ARHGAP22: variants seen among roughly 807,000 people sequenced by gnomAD.
ARHGAP22 encodes the protein rho GTPase-activating protein 22.
A neutral mutation model predicts 59.1 loss-of-function variants in ARHGAP22; 48 were observed. The observed-to-expected ratio is 0.81, with a 90% CI of 0.64 to 1.03. The LOEUF (loss-of-function observed/expected upper bound fraction) is 1.03. Among genes scored for constraint, ARHGAP22 ranks in the 50% least tolerant of loss-of-function variants. The pLI, the probability that ARHGAP22 is intolerant of heterozygous loss-of-function variation, is 0.00. For synonymous variants in ARHGAP22, 445 were observed against 416.4 expected, an observed-to-expected ratio of 1.07 and a Z score of -0.84; for missense variants, 1,015 against 958.7, an observed-to-expected ratio of 1.06 and a Z score of -0.78.
upstream of ARHGAP22, among the ~76,000 whole-genome samples, chr10:48,655,043 T>TCC: frequency 1.5e-5 from 1 of 65,484 alleles, no homozygotes; most frequent in Non-Finnish European, 3.1e-5. Flanking sequence ...TCTTTCTTTC[T>TCC]TTCTTTCTTT....
intron 2 of ARHGAP22, among the ~76,000 whole-genome samples, chr10:48,581,177 G>C (rs1588945365): frequency 6.6e-6 from 1 of 152,288 alleles, no homozygotes; most frequent in South Asian, 2.1e-4. Flanking sequence ...CAACCCATCA[G>C]AACTCACTTT....
intron 4 of ARHGAP22, among the ~76,000 whole-genome samples, chr10:48,465,536 T>C (rs1589534992): frequency 6.6e-6 from 1 of 152,232 alleles, no homozygotes; most frequent in East Asian, 1.9e-4. Context: ...AATGCGGCTT[T>C]CTCCGGACCT....
intron 1 of ARHGAP22, among the ~76,000 whole-genome samples, chr10:48,590,409 C>G (rs550667226): frequency 6.6e-6 from 1 of 152,054 alleles, no homozygotes; most frequent in Non-Finnish European, 1.5e-5. Flanking sequence ...GATGGCAAGA[C>G]ACTGTCCTCG....
chr10:48,573,615 C>G (rs757618707), intron 2 of ARHGAP22, among the ~76,000 whole-genome samples: 3 of 152,214 alleles, frequency 2.0e-5, no homozygotes, highest in Admixed American at 6.5e-5. Context: ...ATATTAGATG[C>G]CTTCGCATGC....
Position 48,448,663 on chromosome 10 carries a change from C to T in ARHGAP22, c.1868+1598G>A, listed in dbSNP as rs573709474. On this transcript the variant is annotated intron_variant, in intron 9 of 9. Coordinates refer to ENST00000249601, the MANE Select transcript of ARHGAP22 (RefSeq NM_021226.4). ...ACACATTCCCCAATCACCTGCTGGA[C>T]AGGACAGGTGCTAATGCCCTCACCT... is the stretch of plus-strand genomic sequence containing the variant. Among the ~76,000 whole-genome samples the T allele has an allele frequency of 4.3e-3, 644 of 149,174 alleles. 3 individuals are homozygous for T. Among genetic ancestry groups the T allele is most frequent in the African/African-American group, 0.013 (545 of 40,386 alleles).
At chr10:48,454,469 C>T (rs1474058514) in intron 6 of ARHGAP22, among the ~76,000 whole-genome samples, 2 of 152,184 alleles carry the variant, frequency 1.3e-5, no homozygotes, top group African/African-American at 4.8e-5. Context: ...GATAGTGAGC[C>T]CTCATCTCCC....
At chr10:48,567,122 C>T (rs2058092786) in intron 2 of ARHGAP22, among the ~76,000 whole-genome samples, 1 of 152,188 alleles carries the variant, frequency 6.6e-6, no homozygotes, top group African/African-American at 2.4e-5. Flanking sequence ...GGACCTTGCA[C>T]TAGACTCCGT....
intron 1 of ARHGAP22, among the ~76,000 whole-genome samples, chr10:48,612,949 A>G (rs1242836837): frequency 6.6e-6 from 1 of 152,340 alleles, no homozygotes; most frequent in East Asian, 1.9e-4. Context: ...GTCGTCCTTC[A>G]AAACCCTGGA....
chr10:48,513,262 A>C (rs1294808512), intron 3 of ARHGAP22, among the ~76,000 whole-genome samples: 3 of 152,198 alleles, frequency 2.0e-5, no homozygotes. Context: ...GGGGAAGGAG[A>C]TATCCACTGG....
chr10:48,479,791 C>T (rs184589828), intron 3 of ARHGAP22, 27 bp from the exon 4 acceptor site: 144 of 1,545,610 alleles, frequency 9.3e-5, no homozygotes, highest in Middle Eastern at 1.7e-4. Context: ...CACAGGCTTA[C>T]GCAGGGTCCC....
chr10:48,464,388 C>T (rs2047445919), intron 4 of ARHGAP22, among the ~76,000 whole-genome samples: 1 of 152,314 alleles, frequency 6.6e-6, no homozygotes, highest in East Asian at 1.9e-4. Flanking sequence ...AACACTTTCC[C>T]AAAACAGGGA....
At chr10:48,617,415 G>T (rs1462575935) in intron 1 of ARHGAP22, among the ~76,000 whole-genome samples, 1 of 151,908 alleles carries the variant, frequency 6.6e-6, no homozygotes, top group African/African-American at 2.4e-5. Context: ...CTTTTCATCA[G>T]CACGTGGAAT....
At chr10:48,462,165 CAT>C (rs2047197206) in intron 4 of ARHGAP22, among the ~76,000 whole-genome samples, 1 of 145,918 alleles carries the variant, frequency 6.9e-6, no homozygotes, top group East Asian at 2.1e-4. Context: ...TGTGTGTGCA[CAT>C]GTGCTGGATG....
At chr10:48,611,483 G>A (rs1392769068) in intron 1 of ARHGAP22, among the ~76,000 whole-genome samples, 3 of 151,940 alleles carry the variant, frequency 2.0e-5, no homozygotes, top group Admixed American at 6.6e-5. Flanking sequence ...TTCCCCAACC[G>A]TACCAACAAG....
At chr10:48,539,538 G>A (rs529205943) in intron 3 of ARHGAP22, among the ~76,000 whole-genome samples, 17 of 151,744 alleles carry the variant, frequency 1.1e-4, no homozygotes, top group Non-Finnish European at 1.6e-4. Context: ...TGATCCGCCC[G>A]CCTCGGCCTC....
rs978959804 is a variant in ARHGAP22, at chr10:48,604,891, G to T, written c.-95C>A. On this transcript the variant is annotated 5_prime_UTR_variant, in exon 1 of 10. Transcript: ENST00000249601. ...CGCGCCTAGTCGCCCCTCATGTCCT[G>T]CTCGTTCGGGGCCCCGTGGCCGCTG... 40 of 1,596,564 alleles carry T rather than the reference G, an allele frequency of 2.5e-5. 1 individual carries two copies. The highest frequency in any genetic ancestry group is 3.3e-5 in the Non-Finnish European group (39 of 1,173,254).
intron 3 of ARHGAP22, among the ~76,000 whole-genome samples, chr10:48,496,900 G>A (rs956264068): frequency 5.3e-5 from 8 of 152,106 alleles, no homozygotes; most frequent in East Asian, 1.9e-4. Flanking sequence ...CCACTGGGCC[G>A]TGAGCTACTC....
chr10:48,571,401 G>A (rs919266576), intron 2 of ARHGAP22, among the ~76,000 whole-genome samples: 1 of 152,170 alleles, frequency 6.6e-6, no homozygotes, highest in African/African-American at 2.4e-5. Flanking sequence ...ATGGACATGA[G>A]TTTGGACTCC....
Position 48,503,387 on chromosome 10 carries a change from GCCAGCTT to G in ARHGAP22, c.323-23630_323-23624del, listed in dbSNP as rs1420327959. On this transcript the variant is annotated intron_variant, in intron 3 of 9. Coordinates refer to ENST00000249601, the MANE Select transcript of ARHGAP22 (RefSeq NM_021226.4). ...AACATTTATGAGGCACCTACTCAGT[GCCAGCTT>G]CCAGTGTCAACCTGTCCAGTGACTC... Among the ~76,000 whole-genome samples the G allele has an allele frequency of 2.6e-5, 4 of 152,208 alleles. No homozygotes were observed. In the East Asian group the frequency reaches 7.7e-4, roughly 29 times the overall value.
Sources: gnomAD v4.1 joint callset for allele counts (sites outside exome capture counted in the v4.1 genomes callset) on GRCh38, gnomAD v4.1.1 for gene constraint, MANE v1.5 for transcripts, NCBI Gene and HGNC (gene_info 2026-07-23, HGNC 2026-07-21) for gene names.